Variants in CDH13 observed in about 807,000 individuals in gnomAD.
CDH13 encodes the protein cadherin 13, also known as cadherin-13.
In CDH13, 24 loss-of-function variants were observed where a neutral mutation model predicts 63.8. That is an observed-to-expected ratio of 0.38 (90% CI 0.27 to 0.53). The LOEUF is 0.53. Ranked by LOEUF, CDH13 falls within the 20% of genes least tolerant of loss-of-function variation. The pLI, the probability that CDH13 is intolerant of heterozygous loss-of-function variation, is 0.85. For synonymous variants in CDH13, 503 were observed against 355.3 expected (o/e 1.42, Z -4.67); for missense variants, 1,049 against 903.1 (o/e 1.16, Z -2.07).
chr16:83,260,063 A>G (rs1292523939), intron 5 of CDH13, among the ~76,000 whole-genome samples: 2 of 57,374 alleles, frequency 3.5e-5, no homozygotes, highest in African/African-American at 6.9e-5. Context: ...ACAGTATATA[A>G]TAGTTTTTTT....
intron 5 of CDH13, among the ~76,000 whole-genome samples, chr16:83,242,379 T>A (rs1281176243): frequency 6.6e-6 from 1 of 152,206 alleles, no homozygotes; most frequent in Non-Finnish European, 1.5e-5. Context: ...GGAATTTTCT[T>A]GTGCCATATG....
chr16:82,913,358 C>T (rs1019564387), intron 2 of CDH13, among the ~76,000 whole-genome samples: 10 of 152,100 alleles, frequency 6.6e-5, no homozygotes, highest in Admixed American at 3.9e-4. Context: ...GAGCATGTGT[C>T]GTTCAGCCAG....
At chr16:82,827,730 C>T (rs529913756) in intron 1 of CDH13, among the ~76,000 whole-genome samples, 2 of 152,236 alleles carry the variant, frequency 1.3e-5, no homozygotes, top group South Asian at 2.1e-4. Flanking sequence ...AGCATGAATG[C>T]CCTTTTTTAC....
At chr16:83,375,387 A>G (rs751190110) in intron 6 of CDH13, among the ~76,000 whole-genome samples, 2 of 152,204 alleles carry the variant, frequency 1.3e-5, no homozygotes, top group Admixed American at 6.5e-5. Flanking sequence ...GTGTACAGTG[A>G]CACAGCTATC....
At chr16:83,340,031 A>G (rs998627874) in intron 5 of CDH13, among the ~76,000 whole-genome samples, 1 of 152,100 alleles carries the variant, frequency 6.6e-6, no homozygotes, top group African/African-American at 2.4e-5. Context: ...ACTCATCACC[A>G]TTCTCTGTGA....
At chr16:83,299,146 A>G (rs1042756998) in intron 5 of CDH13, among the ~76,000 whole-genome samples, 2 of 152,196 alleles carry the variant, frequency 1.3e-5, no homozygotes, top group East Asian at 1.9e-4. Context: ...AACCTGTTTT[A>G]TCTAATCTGA....
intron 1 of CDH13, among the ~76,000 whole-genome samples, chr16:82,845,796 A>G (rs286669): frequency 0.9 from 136,223 of 152,192 alleles, 62,072 homozygotes; most frequent in East Asian, 0.99. Context: ...TGCAAATACC[A>G]CCAACCCTGA....
chr16:83,393,861 A>T (rs1433314581), intron 6 of CDH13, among the ~76,000 whole-genome samples: 1 of 152,160 alleles, frequency 6.6e-6, no homozygotes, highest in Non-Finnish European at 1.5e-5. Flanking sequence ...ACATTAGGCA[A>T]TGAGAACTGT....
intron 7 of CDH13, among the ~76,000 whole-genome samples, chr16:83,512,672 A>G (rs1598194106): frequency 6.7e-6 from 1 of 150,020 alleles, no homozygotes; most frequent in Middle Eastern, 3.5e-3. Context: ...CGTCTCAATA[A>G]TAATAATAAT....
intron 13 of CDH13, among the ~76,000 whole-genome samples, chr16:83,794,047 A>C (rs914855110): frequency 6.6e-6 from 1 of 152,160 alleles, no homozygotes; most frequent in Non-Finnish European, 1.5e-5. Flanking sequence ...GCCATGAGCC[A>C]AGGGATGCAG....
intron 2 of CDH13, among the ~76,000 whole-genome samples, chr16:82,979,131 G>T (rs1306645136): frequency 1.3e-5 from 2 of 152,256 alleles, no homozygotes; most frequent in East Asian, 3.9e-4. Context: ...CCTTTGTTTT[G>T]GCCAGTTACT....
intron 1 of CDH13, among the ~76,000 whole-genome samples, chr16:82,857,440 T>A (rs955111328): frequency 1.3e-5 from 2 of 152,216 alleles, no homozygotes; most frequent in African/African-American, 4.8e-5. Context: ...AGGTAATACC[T>A]GTTTTTATGG....
At chr16:83,425,732 C>A (rs2071873355) in intron 6 of CDH13, among the ~76,000 whole-genome samples, 1 of 148,134 alleles carries the variant, frequency 6.8e-6, no homozygotes, top group Non-Finnish European at 1.5e-5. Context: ...AATATGAATA[C>A]CTTTCTGTCT....
At chr16:83,439,808 G>A (rs1293284845) in intron 6 of CDH13, among the ~76,000 whole-genome samples, 2 of 152,170 alleles carry the variant, frequency 1.3e-5, no homozygotes, top group Non-Finnish European at 2.9e-5. Flanking sequence ...GGAGGTCAGT[G>A]GCTACTTTTC....
At chr16:83,189,519 G>A (rs549247289) in intron 4 of CDH13, among the ~76,000 whole-genome samples, 17 of 152,284 alleles carry the variant, frequency 1.1e-4, no homozygotes, top group South Asian at 6.2e-4. Context: ...ACAGATACAC[G>A]TTCACATGGC....
chr16:83,035,789 T>C (rs560132759), intron 3 of CDH13, among the ~76,000 whole-genome samples: 6 of 152,292 alleles, frequency 3.9e-5, no homozygotes, highest in Admixed American at 1.3e-4. Context: ...GTAGTTTTGA[T>C]TTTTTCGTCT....
At chr16:82,785,487 T>A (rs1368955727) in intron 1 of CDH13, among the ~76,000 whole-genome samples, 1 of 152,196 alleles carries the variant, frequency 6.6e-6, no homozygotes, top group East Asian at 1.9e-4. Context: ...ACACCTGATG[T>A]CCGCAGCAGG....
intron 2 of CDH13, among the ~76,000 whole-genome samples, chr16:82,913,233 C>G (rs1004901125): frequency 1.3e-5 from 2 of 151,952 alleles, no homozygotes; most frequent in African/African-American, 4.8e-5. Context: ...CCTATTTTTT[C>G]CAAAGGGCAG....
chr16:83,192,099 C>G (rs892436745), intron 4 of CDH13, among the ~76,000 whole-genome samples: 6 of 152,178 alleles, frequency 3.9e-5, no homozygotes, highest in Admixed American at 1.3e-4. Context: ...ATTTATACCA[C>G]CTGGCACAGT....
Sources: allele counts gnomAD v4.1 joint callset (sites outside exome capture counted in the v4.1 genomes callset), GRCh38; gene constraint gnomAD v4.1.1; transcripts MANE v1.5; gene names NCBI Gene and HGNC (gene_info 2026-07-23, HGNC 2026-07-21).